The following CIB3 variants were observed in gnomAD, a reference collection of about 807,000 sequenced individuals.
The protein encoded by CIB3 is calcium and integrin binding family member 3.
CIB3 carries 22 observed loss-of-function variants against 23.4 expected under a neutral mutation model. That is an observed-to-expected ratio of 0.94 (90% CI 0.67 to 1.34). The LOEUF (loss-of-function observed/expected upper bound fraction) is 1.34, where lower values mean the gene tolerates loss of function less well. Ranked by LOEUF, CIB3 falls within the 40% of genes most tolerant of loss-of-function variation. The pLI is 0.00. For synonymous variants in CIB3, 93 were observed against 95.8 expected (o/e 0.97, Z 0.17); for missense variants, 258 against 247.3 (o/e 1.04, Z -0.29).
At chr19:16,163,808 C>T (rs1297310181) in intron 5 of CIB3, among the ~76,000 whole-genome samples, 8 of 152,090 alleles carry the variant, frequency 5.3e-5, no homozygotes, top group African/African-American at 1.2e-4. Flanking sequence ...TATACCATGA[C>T]GCAACTCTGT....
In CIB3 at chr19:16,173,041, TACACACACAC is replaced by T. The variant is rs3076227; in HGVS notation, c.86+111_86+120del. 956 of 783,836 alleles carry T rather than the reference TACACACACAC, an allele frequency of 1.2e-3. 1 individual carries two copies. The highest frequency in any genetic ancestry group is 7.1e-3 in the African/African-American group (356 of 50,162). The allele number at this position is 783,836 out of a possible 1,614,324, so 48.6% of individuals were successfully genotyped here. A position where few individuals can be genotyped will look rare whatever the true frequency, so the allele number is the denominator to read the frequency against. On this transcript the variant is annotated intron_variant, in intron 2 of 5. Transcript: ENST00000269878. Reference sequence around the variant, plus strand: ...GAGAAAGAAAGAAAGAAAGACTACTTACACACACACACACACACACACACACACACACACA... The same window carrying T: ...GAGAAAGAAAGAAAGAAAGACTACTTACACACACACACACACACACACACA...
intron 3 of CIB3, 80 bp from the exon 4 acceptor site, chr19:16,168,364 C>A: frequency 6.4e-7 from 1 of 1,556,196 alleles, no homozygotes; most frequent in South Asian, 1.2e-5. Flanking sequence ...CTATCAGCAC[C>A]CACCTTCTGG....
intron 5 of CIB3, 73 bp downstream of exon 5, chr19:16,164,645 A>G: frequency 7.5e-7 from 1 of 1,340,882 alleles, no homozygotes; most frequent in Non-Finnish European, 1.0e-6. Context: ...TCAGAAACAG[A>G]GTCTGTGAAC....
At chr19:16,172,885 G>A (rs962510356) in intron 2 of CIB3, among the ~76,000 whole-genome samples, 4 of 151,216 alleles carry the variant, frequency 2.6e-5, no homozygotes, top group Non-Finnish European at 4.4e-5. Flanking sequence ...TTGGGAGATC[G>A]AGCCTGCAAT....
At chr19:16,168,059 G>A in intron 4 of CIB3, 78 bp downstream of exon 4, 1 of 1,515,270 alleles carries the variant, frequency 6.6e-7, no homozygotes, top group Non-Finnish European at 8.9e-7. Flanking sequence ...GGAGATATTT[G>A]TGATGTGGGT....
Position 16,164,837 on chromosome 19 carries a change from A to G in CIB3, c.423T>C (p.Ser141=). 6.2e-7 allele frequency: 1 copy of G among 1,613,824 alleles called. No individual in the cohort carries two copies. Among genetic ancestry groups the G allele is most frequent in the Non-Finnish European group, 8.5e-7 (1 of 1,179,976 alleles). ...TVTKLTRGGL[S]AEEVSLVCEK... ...CACATACCAGGCTCACCTCCTCGGC[A>G]CTCAGCCCCCCCCGCGTCAGTTTGG... Residue 141 remains serine, a synonymous_variant, in exon 5 of 6, where the codon AGT becomes AGC. Coordinates refer to ENST00000269878, the MANE Select transcript of CIB3 (RefSeq NM_054113.4).
At chr19:16,163,809 G>C (rs931685984) in intron 5 of CIB3, among the ~76,000 whole-genome samples, 2 of 152,050 alleles carry the variant, frequency 1.3e-5, no homozygotes, top group African/African-American at 4.8e-5. Context: ...ATACCATGAC[G>C]CAACTCTGTT....
chr19:16,171,175 G>A (rs912223787), intron 2 of CIB3, among the ~76,000 whole-genome samples: 14 of 151,300 alleles, frequency 9.3e-5, no homozygotes, highest in Non-Finnish European at 1.0e-4. Context: ...AAAAAAGAAA[G>A]AAAGAAAAGA....
intron 3 of CIB3, among the ~76,000 whole-genome samples, 186 bp downstream of exon 3, chr19:16,169,444 A>G (rs571650107): frequency 1.8e-4 from 28 of 152,094 alleles, no homozygotes; most frequent in African/African-American, 6.5e-4. Flanking sequence ...ACACCAGCCA[A>G]CTCTGGGTTT....
At position 16,173,204 on chromosome 19, in the gene CIB3, G is replaced by C. The variant is rs1274563422; in HGVS notation, c.52-8C>G. On this transcript the variant is annotated splice_region_variant and splice_polypyrimidine_tract_variant and intron_variant, in intron 1 of 5. Coordinates refer to ENST00000269878, the MANE Select transcript of CIB3 (RefSeq NM_054113.4). ...TGTGAAAAATGTGCAGTCCTGTGGAGAGAGGTGTTGTCTTAACCCGAACCC... is the reference window on the plus strand; with the variant it reads ...TGTGAAAAATGTGCAGTCCTGTGGACAGAGGTGTTGTCTTAACCCGAACCC... 1.2e-6 allele frequency: 2 copies of C among 1,614,000 alleles called. No individual in the cohort carries two copies. Among genetic ancestry groups the C allele is most frequent in the Admixed American group, 3.3e-5 (2 of 59,986 alleles).
rs1404955926 is a variant in CIB3, at chr19:16,168,281, T to C, written c.202A>G (p.Asn68Asp). 1 of 1,613,738 alleles carries C rather than the reference T, an allele frequency of 6.2e-7. No individual in the cohort carries two copies. ...LIGSMPELKD[N>D]PFRQRIAQVF... ...TGGGCAATCCTCTGGCGGAAGGGGT[T>C]GTCCTGGGGACAGAAAGGAAGCTGG... Residue 68 changes from asparagine to aspartate, a missense_variant, in exon 4 of 6, where the codon AAC becomes GAC. Transcript: ENST00000269878.
intron 5 of CIB3, among the ~76,000 whole-genome samples, chr19:16,164,124 C>T (rs1045806195): frequency 6.6e-6 from 1 of 152,112 alleles, no homozygotes; most frequent in African/African-American, 2.4e-5. Flanking sequence ...GCATGCACCA[C>T]CATACCTGGC....
At chr19:16,164,467 G>A (rs570184467) in intron 5 of CIB3, among the ~76,000 whole-genome samples, 3 of 152,212 alleles carry the variant, frequency 2.0e-5, no homozygotes, top group South Asian at 2.1e-4. Context: ...AACTGTTCAG[G>A]CAACAAGGGC....
chr19:16,164,779 C>G lies in CIB3; in HGVS notation c.481G>C (p.Asp161His), dbSNP rs1452498083. The G allele has an allele frequency of 4.3e-6, 7 of 1,614,088 alleles. No homozygotes were observed. Among genetic ancestry groups the G allele is most frequent in the Non-Finnish European group, 5.9e-6 (7 of 1,180,006 alleles). ...KVLDEADGDH[D>H]GRLSLEDFQN... The stretch of plus-strand genomic sequence containing the variant: ...AAATCTTCCAGGGACAGCCGCCCAT[C>G]ATGGTCTCCATCAGCCTCATCCAGC... Residue 161 changes from aspartate to histidine, a missense_variant, in exon 5 of 6, where the codon GAT becomes CAT. Transcript: ENST00000269878.
chr19:16,170,787 A>C (rs1489238107), intron 2 of CIB3, among the ~76,000 whole-genome samples: 1 of 150,950 alleles, frequency 6.6e-6, no homozygotes, highest in African/African-American at 2.4e-5. Flanking sequence ...GTGTCACTGC[A>C]CTCCAGCCTG....
chr19:16,172,873 C>T (rs541830848), intron 2 of CIB3, among the ~76,000 whole-genome samples: 39 of 151,296 alleles, frequency 2.6e-4, no homozygotes, highest in African/African-American at 9.0e-4. Context: ...GATCACCTGA[C>T]CTTGGGAGAT....
chr19:16,163,941 A>T (rs539049732), intron 5 of CIB3, among the ~76,000 whole-genome samples: 13 of 152,130 alleles, frequency 8.5e-5, no homozygotes, highest in African/African-American at 2.9e-4. Context: ...GTCATGGAAT[A>T]ATCTTTTTTT....
intron 2 of CIB3, 39 bp from the exon 3 acceptor site, chr19:16,169,780 A>C (rs770377919): frequency 1.1e-5 from 17 of 1,540,194 alleles, no homozygotes; most frequent in Admixed American, 3.9e-5. Context: ...GACTGGGAGC[A>C]GGGAGCAGGC....
chr19:16,169,603 C>G, intron 3 of CIB3, 27 bp downstream of exon 3: 1 of 1,594,002 alleles, frequency 6.3e-7, no homozygotes, highest in Non-Finnish European at 8.6e-7. Context: ...TATTTTTTAC[C>G]CTGTTTGTCC....
Sources: allele counts gnomAD v4.1 joint callset (sites outside exome capture counted in the v4.1 genomes callset), GRCh38; gene constraint gnomAD v4.1.1; transcripts MANE v1.5; gene names NCBI Gene and HGNC (gene_info 2026-07-23, HGNC 2026-07-21).